The following PKP2 variants were observed in gnomAD, a reference collection of about 807,000 sequenced individuals.
PKP2 encodes plakophilin 2, also known as plakophilin-2.
In PKP2, 73 loss-of-function variants were observed where a neutral mutation model predicts 83.4. That is an observed-to-expected ratio of 0.88 (90% confidence interval 0.72 to 1.06). The LOEUF (loss-of-function observed/expected upper bound fraction) is 1.06. PKP2 is among the 50% of genes least tolerant of loss of function. PKP2 has a pLI of 0.00. For synonymous variants in PKP2, 409 were observed against 430.4 expected, an observed-to-expected ratio of 0.95 and a Z score of 0.62; for missense variants, 966 against 1,065.4, an observed-to-expected ratio of 0.91 and a Z score of 1.30.
At chr12:32,868,266 T>A (rs1956866781) in intron 4 of PKP2, among the ~76,000 whole-genome samples, 1 of 152,180 alleles carries the variant, frequency 6.6e-6, no homozygotes, top group Non-Finnish European at 1.5e-5. Flanking sequence ...CAGGCTGGAG[T>A]GCAGTGGTGC....
chr12:32,809,219 G>C (rs1437902783), intron 9 of PKP2, among the ~76,000 whole-genome samples: 5 of 152,180 alleles, frequency 3.3e-5, no homozygotes, highest in Non-Finnish European at 7.3e-5. Context: ...AGCCCGGCTG[G>C]AGTGATTGAA....
chr12:32,814,024 T>C (rs182269693), intron 9 of PKP2, among the ~76,000 whole-genome samples: 2 of 152,284 alleles, frequency 1.3e-5, no homozygotes, highest in East Asian at 3.9e-4. Flanking sequence ...CCTTCCCCTG[T>C]AGCCATCCAA....
At chr12:32,838,508 T>C (rs1415739109) in intron 6 of PKP2, among the ~76,000 whole-genome samples, 1 of 152,082 alleles carries the variant, frequency 6.6e-6, no homozygotes, top group Non-Finnish European at 1.5e-5. Flanking sequence ...AACTCCTTAA[T>C]GTGATCCTCA....
At chr12:32,814,092 C>G (rs1027993323) in intron 9 of PKP2, among the ~76,000 whole-genome samples, 1 of 152,180 alleles carries the variant, frequency 6.6e-6, no homozygotes, top group African/African-American at 2.4e-5. Context: ...GTTTGGCACT[C>G]TCTGTCTTCC....
chr12:32,890,926 C>CT (rs1054803557), intron 1 of PKP2, among the ~76,000 whole-genome samples: 13 of 149,548 alleles, frequency 8.7e-5, no homozygotes, highest in Non-Finnish European at 3.0e-5. Flanking sequence ...TACCACCGCA[C>CT]TCCAGCCTGG....
intron 10 of PKP2, among the ~76,000 whole-genome samples, chr12:32,800,272 T>C (rs949207635): frequency 1.3e-5 from 2 of 152,244 alleles, no homozygotes; most frequent in Non-Finnish European, 2.9e-5. Context: ...CTGTCTCAAC[T>C]TCAGATGAGG....
intron 6 of PKP2, among the ~76,000 whole-genome samples, chr12:32,838,039 T>C (rs1368995434): frequency 6.6e-6 from 1 of 152,150 alleles, no homozygotes; most frequent in Non-Finnish European, 1.5e-5. Flanking sequence ...GCTCGCATGT[T>C]CATCGCAGGA....
At chr12:32,794,407 A>T (rs1359264170) in intron 11 of PKP2, among the ~76,000 whole-genome samples, 1 of 152,224 alleles carries the variant, frequency 6.6e-6, no homozygotes, top group Non-Finnish European at 1.5e-5. Flanking sequence ...ACGGTAGGTC[A>T]GATATATAAC....
Position 32,825,229 on chromosome 12 carries a change from C to T in PKP2, c.1557-1067G>A, listed in dbSNP as rs151008822. On this transcript the variant is annotated intron_variant, in intron 6 of 12. Coordinates refer to ENST00000340811, the MANE Select transcript of PKP2 (RefSeq NM_001005242.3). ...TGTCACCAGGGCTGGAGTGCAGTGG[C>T]GCGATCTCGGCTCACTGTAACCTCC... Among the ~76,000 whole-genome samples, 514 of 133,456 alleles carry T rather than the reference C, an allele frequency of 3.9e-3. 2 individuals carry two copies. Among genetic ancestry groups the T allele is most frequent in the East Asian group, 0.036 (157 of 4,346 alleles). The allele number at this position is 133,456 out of a possible 152,430, so 87.6% of individuals were successfully genotyped here.
intron 9 of PKP2, among the ~76,000 whole-genome samples, chr12:32,807,653 T>C (rs1022510649): frequency 6.6e-6 from 1 of 152,212 alleles, no homozygotes; most frequent in Non-Finnish European, 1.5e-5. Context: ...TGTGTTTTCA[T>C]AGTGGCTGGT....
In PKP2 at chr12:32,891,177, C is replaced by T. The variant is rs185214804; in HGVS notation, c.223+5332G>A. The stretch of plus-strand genomic sequence containing the variant: ...TCCTCAGGAGAAGTAGGGTATTTAT[C>T]TTCATATATTTGTAGACATGCACAA... On this transcript the variant is annotated intron_variant, in intron 1 of 12. Transcript: ENST00000340811. 2.4e-3 allele frequency among the ~76,000 whole-genome samples: 361 copies of T among 152,198 alleles called. 1 individual carries two copies. Among genetic ancestry groups the T allele is most frequent in the African/African-American group, 7.9e-3 (328 of 41,528 alleles).
chr12:32,896,050 T>G (rs1404432170), intron 1 of PKP2, among the ~76,000 whole-genome samples: 1 of 152,198 alleles, frequency 6.6e-6, no homozygotes, highest in African/African-American at 2.4e-5. Context: ...GCTGTCGGTT[T>G]TTTTCCCCAA....
At chr12:32,836,501 G>A (rs1956546395) in intron 6 of PKP2, among the ~76,000 whole-genome samples, 1 of 152,200 alleles carries the variant, frequency 6.6e-6, no homozygotes, top group African/African-American at 2.4e-5. Flanking sequence ...CAGCACCATT[G>A]CCACATGCAG....
chr12:32,797,439 C>T (rs558810899), intron 10 of PKP2, among the ~76,000 whole-genome samples: 152 of 6,500 alleles, frequency 0.023, no homozygotes, highest in African/African-American at 0.037. Flanking sequence ...GAGAGAGACC[C>T]TGTCTCAAAA....
intron 1 of PKP2, among the ~76,000 whole-genome samples, chr12:32,885,222 A>T (rs1193284448): frequency 1.3e-5 from 2 of 152,178 alleles, no homozygotes; most frequent in Non-Finnish European, 2.9e-5. Flanking sequence ...TCACAGGACA[A>T]TGTAATTTTC....
rs1956072158 is a variant in PKP2, at chr12:32,792,043, A to G, written c.*381T>C. ...GCAATGTGCACATGAGTGACAAAAC[A>G]TGGGAACCAGAAAAGGAATATAAAT... On this transcript the variant is annotated 3_prime_UTR_variant, in exon 13 of 13. Transcript: ENST00000340811. The G allele has an allele frequency of 3.0e-6, 1 of 333,036 alleles. No homozygotes were observed. The highest frequency in any genetic ancestry group is 5.7e-6 in the Non-Finnish European group (1 of 174,272). 20.6% of individuals were successfully genotyped at this position (333,036 alleles called of 1,614,324 possible).
chr12:32,877,673 G>A (rs1005120352), intron 3 of PKP2, among the ~76,000 whole-genome samples, 173 bp downstream of exon 3: 2 of 152,198 alleles, frequency 1.3e-5, no homozygotes, highest in Admixed American at 1.3e-4. Flanking sequence ...CCCTGTCCCT[G>A]AGGTAAATAG....
intron 5 of PKP2, among the ~76,000 whole-genome samples, chr12:32,842,679 CT>C (rs1233721950): frequency 6.6e-6 from 1 of 152,084 alleles, no homozygotes; most frequent in African/African-American, 2.4e-5. Context: ...ATTCCTACTT[CT>C]TTTTTCTCCC....
chr12:32,819,258 A>G (rs1454039232), intron 9 of PKP2, among the ~76,000 whole-genome samples: 1 of 151,910 alleles, frequency 6.6e-6, no homozygotes, highest in Admixed American at 6.6e-5. Context: ...AGCCTGGGCA[A>G]CAGAGTGAGA....
Sources: allele counts gnomAD v4.1 joint callset (sites outside exome capture counted in the v4.1 genomes callset), GRCh38; gene constraint gnomAD v4.1.1; transcripts MANE v1.5; gene names NCBI Gene and HGNC (gene_info 2026-07-23, HGNC 2026-07-21).